PTPRN2: variants seen among roughly 807,000 people sequenced by gnomAD.
PTPRN2 encodes the protein receptor-type tyrosine-protein phosphatase N2.
Under a neutral mutation model 118.8 loss-of-function variants are expected in PTPRN2, and 74 were observed. That is an observed-to-expected ratio of 0.62 (90% CI 0.52 to 0.76). The LOEUF (loss-of-function observed/expected upper bound fraction) is 0.76. Among genes scored for constraint, PTPRN2 ranks in the 30% least tolerant of loss-of-function variants. PTPRN2 has a pLI of 0.00. For missense variants in PTPRN2, 1,481 were observed against 1,394.4 expected, an observed-to-expected ratio of 1.06 and a Z score of -0.99; for synonymous variants, 641 against 608.0, an observed-to-expected ratio of 1.05 and a Z score of -0.80.
intron 11 of PTPRN2, among the ~76,000 whole-genome samples, chr7:157,989,065 C>G (rs1180397332): frequency 6.6e-6 from 1 of 152,212 alleles, no homozygotes; most frequent in African/African-American, 2.4e-5. Flanking sequence ...TGCAGATACC[C>G]CCGGGCTGGA....
At chr7:158,480,121 T>C (rs746604997) in intron 2 of PTPRN2, among the ~76,000 whole-genome samples, 3 of 152,234 alleles carry the variant, frequency 2.0e-5, no homozygotes, top group Non-Finnish European at 4.4e-5. Context: ...TCCAGCTTTG[T>C]TCCACGTCGC....
chr7:157,858,042 G>GC lies in PTPRN2; in HGVS notation c.1788+40630dup, dbSNP rs572606912. Among the ~76,000 whole-genome samples, 14 of 150,860 alleles carry GC rather than the reference G, an allele frequency of 9.3e-5. No individual in the cohort carries two copies. The East Asian group carries it at 2.8e-3, about 30-fold the overall frequency. ...CGGCCTTTGCTGGTTCTCTGAGTCA[G>GC]CCCCCCAGCTACCACCCACACTCCT... On this transcript the variant is annotated intron_variant, in intron 12 of 22. Transcript: ENST00000389418.
At chr7:158,514,560 A>T (rs975427031) in intron 1 of PTPRN2, among the ~76,000 whole-genome samples, 1 of 152,160 alleles carries the variant, frequency 6.6e-6, no homozygotes, top group Non-Finnish European at 1.5e-5. Flanking sequence ...GGTGATGGCG[A>T]TGCCTCCCAC....
intron 1 of PTPRN2, among the ~76,000 whole-genome samples, chr7:158,576,069 T>C (rs2129451785): frequency 6.6e-6 from 1 of 152,312 alleles, no homozygotes; most frequent in South Asian, 2.1e-4. Flanking sequence ...CCATTCCATA[T>C]GCTGTCAATA....
intron 6 of PTPRN2, among the ~76,000 whole-genome samples, chr7:158,157,328 T>A (rs1821916049): frequency 1.3e-5 from 2 of 152,202 alleles, no homozygotes; most frequent in South Asian, 4.1e-4. Flanking sequence ...AACCCAATTC[T>A]CAAAGTAAAA....
chr7:158,196,750 T>C (rs954411928), intron 4 of PTPRN2, among the ~76,000 whole-genome samples: 3 of 152,178 alleles, frequency 2.0e-5, no homozygotes, highest in Non-Finnish European at 4.4e-5. Context: ...AAGGCGACTA[T>C]AGATTTCTCC....
rs866536563 is a variant in PTPRN2, at chr7:157,898,599, G to T, written c.1788+74C>A. 9 of 1,427,246 alleles carry T rather than the reference G, an allele frequency of 6.3e-6. No individual in the cohort carries two copies. In the Middle Eastern group the frequency reaches 1.3e-3, roughly 212 times the overall value. The allele number at this position is 1,427,246 out of a possible 1,614,324, so 88.4% of individuals were successfully genotyped here. On this transcript the variant is annotated intron_variant, in intron 12 of 22. Transcript: ENST00000389418. ...GAATTAACCTGCAGGTCCAGCCTCTGTTCTCACGGTGTTCGCCAGCACCCA... is the reference window on the plus strand; with the variant it reads ...GAATTAACCTGCAGGTCCAGCCTCTTTTCTCACGGTGTTCGCCAGCACCCA...
intron 2 of PTPRN2, among the ~76,000 whole-genome samples, chr7:158,445,487 T>C (rs1817655354): frequency 6.6e-6 from 1 of 152,182 alleles, no homozygotes; most frequent in South Asian, 2.1e-4. Flanking sequence ...TGGCAGAGCC[T>C]GAGCCGGACC....
In PTPRN2 at chr7:158,131,053, G is replaced by GAC. The variant is rs370138588; in HGVS notation, c.1556+2622_1556+2623dup. On this transcript the variant is annotated intron_variant, in intron 9 of 22. Coordinates refer to ENST00000389418, the MANE Select transcript of PTPRN2 (RefSeq NM_002847.5). ...ACACTTATACACACACGTACATACA[G>GAC]ACACCTGCCCAACACACACACTTAT... is the stretch of plus-strand genomic sequence containing the variant. Among the ~76,000 whole-genome samples the GAC allele has an allele frequency of 4.0e-3, 522 of 128,962 alleles. 5 individuals carry two copies. The highest frequency in any genetic ancestry group is 0.015 in the African/African-American group (495 of 33,134). 84.6% of individuals were successfully genotyped at this position (128,962 alleles called of 152,430 possible). A position where few individuals can be genotyped will look rare whatever the true frequency, so the allele number is the denominator to read the frequency against.
chr7:158,447,699 G>T (rs1213997514), intron 2 of PTPRN2, among the ~76,000 whole-genome samples: 2 of 152,256 alleles, frequency 1.3e-5, no homozygotes, highest in Non-Finnish European at 2.9e-5. Context: ...GCCTGGGCCA[G>T]TGGTGGGCTG....
intron 5 of PTPRN2, among the ~76,000 whole-genome samples, chr7:158,185,244 T>C (rs185412206): frequency 1.3e-5 from 2 of 152,360 alleles, no homozygotes; most frequent in Non-Finnish European, 2.9e-5. Flanking sequence ...TTGACATTTA[T>C]TGAGACTTAT....
intron 10 of PTPRN2, among the ~76,000 whole-genome samples, chr7:158,094,724 G>A (rs1814487008): frequency 6.6e-6 from 1 of 152,154 alleles, no homozygotes; most frequent in Non-Finnish European, 1.5e-5. Context: ...ATTCACCCAA[G>A]AATTAGGACC....
At chr7:158,317,951 T>C (rs1802478417) in intron 2 of PTPRN2, among the ~76,000 whole-genome samples, 1 of 152,190 alleles carries the variant, frequency 6.6e-6, no homozygotes, top group Admixed American at 6.5e-5. Flanking sequence ...CTATGGGACT[T>C]TGCAAAGCCC....
intron 2 of PTPRN2, among the ~76,000 whole-genome samples, chr7:158,374,810 T>C (rs1431744809): frequency 2.0e-5 from 3 of 152,190 alleles, no homozygotes; most frequent in African/African-American, 7.2e-5. Flanking sequence ...TGTGGTTTCA[T>C]GGGAACTTTC....
intron 12 of PTPRN2, among the ~76,000 whole-genome samples, chr7:157,798,990 CTG>C (rs1380222795): frequency 6.6e-6 from 1 of 152,234 alleles, no homozygotes; most frequent in Non-Finnish European, 1.5e-5. Context: ...AATACCACCC[CTG>C]TGACTAGGGT....
Position 157,604,018 on chromosome 7 carries a change from A to G in PTPRN2, c.2402T>C (p.Ile801Thr). 6.2e-7 allele frequency: 1 copy of G among 1,613,892 alleles called. No homozygotes were observed. Among genetic ancestry groups the G allele is most frequent in the Non-Finnish European group, 8.5e-7 (1 of 1,179,986 alleles). ...AENSHSHSDY[I>T]NASPIMDHDP... Reference sequence around the variant, plus strand: ...TGCACTTACGATGGGGCTAGCGTTGATGTAGTCTGAGTGGCTGTGGCTGTT... The same window carrying G: ...TGCACTTACGATGGGGCTAGCGTTGGTGTAGTCTGAGTGGCTGTGGCTGTT... Residue 801 changes from isoleucine (I) to threonine (T), a missense_variant, in exon 16 of 23, where the codon ATC becomes ACC. Around this residue, in one of 3 missense-constraint regions of PTPRN2, gnomAD observed 362 missense variants for 384.1 expected, o/e 0.94. Transcript: ENST00000389418.
At chr7:157,941,457 C>T (rs1800119860) in intron 11 of PTPRN2, among the ~76,000 whole-genome samples, 4 of 148,996 alleles carry the variant, frequency 2.7e-5, no homozygotes, top group Admixed American at 2.7e-4. Flanking sequence ...CCCACCATGA[C>T]ACTGCAAATA....
At chr7:158,198,411 T>C (rs1045095068) in intron 4 of PTPRN2, among the ~76,000 whole-genome samples, 5 of 152,220 alleles carry the variant, frequency 3.3e-5, no homozygotes, top group Admixed American at 1.3e-4. Context: ...TATTCCCTTC[T>C]CCATTGGCAC....
intron 11 of PTPRN2, among the ~76,000 whole-genome samples, chr7:158,002,242 C>T (rs1340040061): frequency 3.3e-5 from 5 of 152,204 alleles, no homozygotes; most frequent in Non-Finnish European, 7.3e-5. Flanking sequence ...AGAGACCCGC[C>T]CCCTGCAGAG....
Sources: gnomAD v4.1 joint callset for allele counts (sites outside exome capture counted in the v4.1 genomes callset) on GRCh38, gnomAD v4.1.1 for gene constraint, gnomAD v4.1.1 regional missense constraint, MANE v1.5 for transcripts, NCBI Gene and HGNC (gene_info 2026-07-23, HGNC 2026-07-21) for gene names.